Variants in RIMBP2 observed in about 807,000 individuals in gnomAD.
The protein encoded by RIMBP2 is RIMS binding protein 2, also known as RIMS-binding protein 2.
A neutral mutation model predicts 118.6 loss-of-function variants in RIMBP2; 48 were observed. That is an observed-to-expected ratio of 0.40 (90% CI 0.32 to 0.51). The LOEUF (loss-of-function observed/expected upper bound fraction) is 0.51. Among genes scored for constraint, RIMBP2 ranks in the 20% least tolerant of loss-of-function variants. The pLI is 0.41. For missense variants in RIMBP2, 1,551 were observed against 1,768.3 expected (o/e 0.88, Z 2.20); for synonymous variants, 762 against 742.9 (o/e 1.03, Z -0.42).
intron 13 of RIMBP2, among the ~76,000 whole-genome samples, chr12:130,436,436 T>C (rs751986103): frequency 6.6e-6 from 1 of 152,124 alleles, no homozygotes; most frequent in Non-Finnish European, 1.5e-5. Context: ...TGTGTGTATA[T>C]ATTTACATGC....
At chr12:130,506,016 G>A (rs1010543842) in intron 4 of RIMBP2, among the ~76,000 whole-genome samples, 7 of 149,942 alleles carry the variant, frequency 4.7e-5, no homozygotes, top group Admixed American at 4.7e-4. Flanking sequence ...ATATGTACTG[G>A]ATCATAGAAC....
chr12:130,616,606 C>T (rs571915408), intron 2 of RIMBP2, among the ~76,000 whole-genome samples: 1 of 152,326 alleles, frequency 6.6e-6, no homozygotes, highest in South Asian at 2.1e-4. Flanking sequence ...CCCAAATGTG[C>T]AGGACACCAT....
At chr12:130,571,478 G>A (rs2057656248) in intron 2 of RIMBP2, among the ~76,000 whole-genome samples, 1 of 147,978 alleles carries the variant, frequency 6.8e-6, no homozygotes, top group Non-Finnish European at 1.5e-5. Context: ...GGAGTGCAAT[G>A]GCACAATCTC....
At chr12:130,438,078 CATCA>C (rs1219193464) in intron 12 of RIMBP2, among the ~76,000 whole-genome samples, 1 of 152,182 alleles carries the variant, frequency 6.6e-6, no homozygotes, top group African/African-American at 2.4e-5. Flanking sequence ...ATAAGGCAGT[CATCA>C]ATCAAGAATG....
intron 8 of RIMBP2, 138 bp downstream of exon 8, chr12:130,451,057 C>T (rs140441057): frequency 2.0e-6 from 2 of 1,022,448 alleles, no homozygotes; most frequent in Non-Finnish European, 2.9e-6. Flanking sequence ...AGGGAATTAA[C>T]AGGGGCAAAG....
intron 1 of RIMBP2, among the ~76,000 whole-genome samples, chr12:130,664,565 C>A (rs532966541): frequency 6.6e-6 from 1 of 151,598 alleles, no homozygotes; most frequent in Non-Finnish European, 1.5e-5. Context: ...CTCCTCACAC[C>A]CAGATCTTGA....
At chr12:130,553,687 T>C (rs1471213213) in intron 2 of RIMBP2, among the ~76,000 whole-genome samples, 1 of 152,140 alleles carries the variant, frequency 6.6e-6, no homozygotes, top group Non-Finnish European at 1.5e-5. Context: ...AAGGCTACAG[T>C]GAGTCCTGAT....
At chr12:130,638,267 A>T (rs748473459) in intron 1 of RIMBP2, among the ~76,000 whole-genome samples, 9 of 152,240 alleles carry the variant, frequency 5.9e-5, no homozygotes, top group Non-Finnish European at 2.9e-5. Context: ...CGAATGAATG[A>T]TATATCCAGA....
chr12:130,459,053 A>C (rs1049295608), intron 6 of RIMBP2, among the ~76,000 whole-genome samples: 3 of 15,334 alleles, frequency 2.0e-4, no homozygotes, highest in Non-Finnish European at 1.1e-3. Context: ...TCAAAAAAAA[A>C]AAAAAACAAA....
chr12:130,435,162 C>T (rs1466458223), intron 13 of RIMBP2, among the ~76,000 whole-genome samples: 2 of 152,084 alleles, frequency 1.3e-5, no homozygotes, highest in African/African-American at 4.8e-5. Context: ...TCTCCTGCCA[C>T]AGCCTCCCGA....
chr12:130,602,097 A>G (rs2059911471), intron 2 of RIMBP2, among the ~76,000 whole-genome samples: 2 of 152,236 alleles, frequency 1.3e-5, no homozygotes, highest in South Asian at 4.1e-4. Flanking sequence ...TCTGGAGTTC[A>G]AAACCAGTCT....
intron 13 of RIMBP2, among the ~76,000 whole-genome samples, chr12:130,436,334 T>C (rs1212005373): frequency 1.3e-5 from 2 of 152,176 alleles, no homozygotes; most frequent in African/African-American, 2.4e-5. Flanking sequence ...TTTCTACACA[T>C]AGGTACAGAT....
chr12:130,540,504 A>G (rs1490882136), intron 2 of RIMBP2, among the ~76,000 whole-genome samples: 1 of 152,140 alleles, frequency 6.6e-6, no homozygotes, highest in East Asian at 1.9e-4. Context: ...TTTCTTTCTC[A>G]GGAAACCGAC....
Position 130,399,824 on chromosome 12 carries a change from A to C in RIMBP2, c.3766-11T>G. On this transcript the variant is annotated splice_polypyrimidine_tract_variant and intron_variant, in intron 21 of 22. Coordinates refer to ENST00000690449, the MANE Select transcript of RIMBP2 (RefSeq NM_001393629.1). ...CCCATTCAGCTCCCCCTAAAACACC[A>C]GGGGTGAGGCAGAAGAACTATTTAT... The C allele has an allele frequency of 6.2e-7, 1 of 1,613,970 alleles. No individual in the cohort carries two copies. The highest frequency in any genetic ancestry group is 1.7e-5 in the Admixed American group (1 of 60,004).
chr12:130,543,344 G>A (rs192270778), intron 2 of RIMBP2, among the ~76,000 whole-genome samples: 1 of 152,190 alleles, frequency 6.6e-6, no homozygotes, highest in East Asian at 1.9e-4. Context: ...CACTTCTTTG[G>A]TAATCATTAT....
intron 1 of RIMBP2, among the ~76,000 whole-genome samples, chr12:130,702,067 G>T (rs191507674): frequency 1.7e-4 from 26 of 152,262 alleles, no homozygotes; most frequent in Admixed American, 1.6e-3. Context: ...GATGAGCCCA[G>T]CCCACAAGAC....
intron 2 of RIMBP2, among the ~76,000 whole-genome samples, chr12:130,532,826 CGTCT>C (rs1172398891): frequency 6.7e-6 from 1 of 149,984 alleles, no homozygotes; most frequent in Non-Finnish European, 1.5e-5. Context: ...CTAGGAGTTA[CGTCT>C]AATGAGATGC....
rs1475901159 is a variant in RIMBP2 at position 130,437,121 on chromosome 12, G to C, written c.1827C>G (p.His609Gln). Residue 609 changes from histidine (H) to glutamine (Q), a missense_variant, in exon 13 of 23, where the codon CAC becomes CAG. Physicochemically the swap from His to Gln is conservative, Grantham distance 24. Coordinates refer to ENST00000690449, the MANE Select transcript of RIMBP2 (RefSeq NM_001393629.1). Reference protein sequence around the residue: ...PPELLVPPTPHPRPAPQSKPL... With the variant: ...PPELLVPPTPQPRPAPQSKPL... ...GCTTTGATTGGGGTGCAGGTCTCGG[G>C]TGGGGGGTAGGAGGCACCAGGAGCT... 1 of 1,577,532 alleles carries C rather than the reference G, an allele frequency of 6.3e-7. No individual in the cohort carries two copies. Among genetic ancestry groups the C allele is most frequent in the South Asian group, 1.2e-5 (1 of 86,298 alleles).
intron 9 of RIMBP2, among the ~76,000 whole-genome samples, chr12:130,449,878 G>T (rs2078850080): frequency 6.6e-6 from 1 of 152,078 alleles, no homozygotes; most frequent in African/African-American, 2.4e-5. Context: ...GAGGAAAGAA[G>T]GACCCCTCCT....
Sources: gnomAD v4.1 joint callset for allele counts (sites outside exome capture counted in the v4.1 genomes callset) on GRCh38, gnomAD v4.1.1 for gene constraint, MANE v1.5 for transcripts, NCBI Gene and HGNC (gene_info 2026-07-23, HGNC 2026-07-21) for gene names.